SOS2: variants seen among roughly 807,000 people sequenced by gnomAD.
SOS2 encodes the protein son of sevenless homolog 2.
In SOS2, 65 loss-of-function variants were observed where a neutral mutation model predicts 148.2. The observed-to-expected ratio is 0.44, with a 90% CI of 0.36 to 0.54. SOS2 has a LOEUF of 0.54. SOS2 is among the 20% of genes least tolerant of loss of function. SOS2 has a pLI of 0.00. For synonymous variants in SOS2, 539 were observed against 537.1 expected, an observed-to-expected ratio of 1.00 and a Z score of -0.05; for missense variants, 1,341 against 1,590.2, an observed-to-expected ratio of 0.84 and a Z score of 2.67.
At chr14:50,141,645 T>C (rs1194288699) in intron 16 of SOS2, among the ~76,000 whole-genome samples, 4 of 152,190 alleles carry the variant, frequency 2.6e-5, no homozygotes, top group South Asian at 4.1e-4. Context: ...TAAACGATGT[T>C]CACAGTTGAA....
In SOS2 at chr14:50,130,560, G is replaced by A; in HGVS notation, c.3278C>T (p.Pro1093Leu). ...PTSPNTPSTP[P>L]VSASSDLSVF... is the part of the protein sequence containing the mutation. Reference sequence around the variant, plus strand: ...ACTAAGGTCTGAAGAAGCAGATACTGGTGGAGTAGATGGTGTATTTGGAGA... The same window carrying A: ...ACTAAGGTCTGAAGAAGCAGATACTAGTGGAGTAGATGGTGTATTTGGAGA... Residue 1093 changes from proline to leucine, a missense_variant, in exon 20 of 23, where the codon CCA (proline) becomes CTA (leucine). Transcript: ENST00000216373. 1 of 1,613,702 alleles carries A rather than the reference G, an allele frequency of 6.2e-7. No individual in the cohort carries two copies. Among genetic ancestry groups the A allele is most frequent in the Non-Finnish European group, 8.5e-7 (1 of 1,179,606 alleles).
rs200330060 is a variant in SOS2 at position 50,201,109 on chromosome 14, G to A, written c.214-25C>T. ...CCTGCTCAATCACAGCAGAACCATT[G>A]TAGTATTAATAAAAGTGTTCATAAA... On this transcript the variant is annotated intron_variant, in intron 2 of 22. Transcript: ENST00000216373. 2.3e-5 allele frequency: 37 copies of A among 1,607,368 alleles called. No individual in the cohort carries two copies. In the African/African-American group the frequency reaches 4.4e-4, roughly 19 times the overall value.
chr14:50,135,320 G>A (rs959515228), intron 18 of SOS2, among the ~76,000 whole-genome samples: 3 of 150,918 alleles, frequency 2.0e-5, no homozygotes, highest in African/African-American at 7.3e-5. Context: ...TAAATAAAAT[G>A]TTTAAAATTT....
chr14:50,198,721 C>CT (rs1478008213), intron 4 of SOS2, among the ~76,000 whole-genome samples: 1 of 152,220 alleles, frequency 6.6e-6, no homozygotes, highest in Non-Finnish European at 1.5e-5. Context: ...CTCACCCGTG[C>CT]TAAAGTTCAT....
chr14:50,170,769 C>T (rs1453133172), intron 8 of SOS2, among the ~76,000 whole-genome samples: 2 of 150,312 alleles, frequency 1.3e-5, no homozygotes, highest in African/African-American at 4.9e-5. Flanking sequence ...AAATCAAAAC[C>T]ACAATGAGAT....
chr14:50,209,585 G>A (rs975514327), intron 1 of SOS2, among the ~76,000 whole-genome samples: 14 of 151,688 alleles, frequency 9.2e-5, no homozygotes, highest in African/African-American at 3.1e-4. Context: ...TGGGCAACAC[G>A]GTGAAACACC....
chr14:50,119,040 A>T (rs1883411195), intron 22 of SOS2, among the ~76,000 whole-genome samples, 187 bp from the exon 23 acceptor site: 1 of 152,102 alleles, frequency 6.6e-6, no homozygotes. Context: ...TTTATATATG[A>T]GATGTTTTAA....
In SOS2 at chr14:50,158,580, C is replaced by T; in HGVS notation, c.1919G>A (p.Ser640Asn). ...RSFCKPQELL[S>N]LLIERFEIPE... ...TTTTTCTTACCGTTCAATCAGTAAG[C>T]TCAGCAATTCCTGTGGTTTACAAAA... Residue 640 changes from serine to asparagine, a missense_variant, in exon 11 of 23, where the codon AGC (serine) becomes AAC (asparagine). Transcript: ENST00000216373. 1 of 1,597,294 alleles carries T rather than the reference C, an allele frequency of 6.3e-7. No individual in the cohort carries two copies. The highest frequency in any genetic ancestry group is 8.5e-7 in the Non-Finnish European group (1 of 1,169,708).
At chr14:50,193,512 AGCC>A (rs1282003410) in intron 4 of SOS2, among the ~76,000 whole-genome samples, 23 of 152,262 alleles carry the variant, frequency 1.5e-4, no homozygotes, top group Admixed American at 4.6e-4. Flanking sequence ...TACCTCATAT[AGCC>A]ACATGTTATT....
intron 18 of SOS2, among the ~76,000 whole-genome samples, chr14:50,135,121 G>GAAAGAAAGAAAGAAAGA (rs1884035256): frequency 7.1e-6 from 1 of 140,096 alleles, no homozygotes; most frequent in African/African-American, 2.7e-5. Context: ...AAGAAAGAAT[G>GAAAGAAAGAAAGAAAGA]ATTATAAAGT....
In SOS2 at chr14:50,145,172, C is replaced by G; in HGVS notation, c.2665G>C (p.Glu889Gln). The G allele has an allele frequency of 6.9e-7, 1 of 1,443,684 alleles. No homozygotes were observed. The allele number at this position is 1,443,684 out of a possible 1,614,324, so 89.4% of individuals were successfully genotyped here. A position where few individuals can be genotyped will look rare whatever the true frequency, so the allele number is the denominator to read the frequency against. Residue 889 changes from glutamate to glutamine, a missense_variant and splice_region_variant, in exon 16 of 23, where the codon GAG becomes CAG. Glu to Gln is a conservative substitution (Grantham distance 29). Coordinates refer to ENST00000216373, the MANE Select transcript of SOS2 (RefSeq NM_006939.4). ...VSVYRLDHTF[E>Q]ALQERKRKIL... ...AAAAAGTTAAGCCTAAAACTTACCT[C>G]AAAGGTATGGTCTAGTCTGTATACT...
chr14:50,223,422 C>A (rs1887256227), intron 1 of SOS2, among the ~76,000 whole-genome samples: 1 of 152,066 alleles, frequency 6.6e-6, no homozygotes, highest in East Asian at 1.9e-4. Context: ...TCCCTGTAAT[C>A]CCAGTACTTT....
intron 16 of SOS2, among the ~76,000 whole-genome samples, chr14:50,140,614 TTCAG>T (rs1442184162): frequency 3.3e-5 from 5 of 152,190 alleles, no homozygotes; most frequent in African/African-American, 7.2e-5. Flanking sequence ...TGGAGAACCA[TTCAG>T]TCAATTTCCT....
At chr14:50,220,226 C>G (rs984909360) in intron 1 of SOS2, among the ~76,000 whole-genome samples, 87 of 150,254 alleles carry the variant, frequency 5.8e-4, no homozygotes, top group African/African-American at 2.0e-3. Flanking sequence ...TGGTGAAACC[C>G]CATCTCTACT....
At chr14:50,221,078 G>C (rs1393599527) in intron 1 of SOS2, among the ~76,000 whole-genome samples, 1 of 151,976 alleles carries the variant, frequency 6.6e-6, no homozygotes, top group Non-Finnish European at 1.5e-5. Flanking sequence ...ATGTTTCTAA[G>C]AAAAAAACCA....
intron 8 of SOS2, among the ~76,000 whole-genome samples, chr14:50,163,286 C>CTT (rs1340777589): frequency 1.3e-5 from 2 of 151,930 alleles, no homozygotes; most frequent in African/African-American, 4.8e-5. Flanking sequence ...TGATCTTTAA[C>CTT]TTATTAGAGA....
intron 5 of SOS2, among the ~76,000 whole-genome samples, chr14:50,182,938 T>C (rs538279735): frequency 7.9e-5 from 12 of 152,382 alleles, no homozygotes; most frequent in South Asian, 2.1e-4. Flanking sequence ...GAATAAACTA[T>C]AGAATTTCTT....
intron 5 of SOS2, among the ~76,000 whole-genome samples, chr14:50,186,506 G>A (rs1317714690): frequency 1.3e-5 from 2 of 151,934 alleles, no homozygotes; most frequent in Non-Finnish European, 2.9e-5. Context: ...TTCCAGCTAG[G>A]CACAGTGGCT....
chr14:50,176,642 T>G (rs944074025), intron 7 of SOS2, among the ~76,000 whole-genome samples: 1 of 152,230 alleles, frequency 6.6e-6, no homozygotes, highest in South Asian at 2.1e-4. Flanking sequence ...AAGAGGTATA[T>G]ATTATGATGA....
Sources: gnomAD v4.1 joint callset for allele counts (sites outside exome capture counted in the v4.1 genomes callset) on GRCh38, gnomAD v4.1.1 for gene constraint, MANE v1.5 for transcripts, NCBI Gene and HGNC (gene_info 2026-07-23, HGNC 2026-07-21) for gene names.